The following COL6A5 variants were observed in gnomAD, a reference collection of about 807,000 sequenced individuals.
The protein encoded by COL6A5 is collagen type VI alpha 5 chain, also known as collagen alpha-5(VI) chain.
COL6A5 carries 48 observed loss-of-function variants against 65.6 expected under a neutral mutation model. The observed-to-expected ratio is 0.73, with a 90% CI of 0.58 to 0.93. COL6A5 has a LOEUF of 0.93. Among genes scored for constraint, COL6A5 ranks in the 40% least tolerant of loss-of-function variants. The probability of loss-of-function intolerance (pLI) is 0.00; values close to 1 mark genes in which losing one functional copy is unlikely to be tolerated. For synonymous variants in COL6A5, 291 were observed against 322.8 expected, an observed-to-expected ratio of 0.90 and a Z score of 1.05; for missense variants, 914 against 928.3, an observed-to-expected ratio of 0.98 and a Z score of 0.20.
At chr3:130,447,484 T>A (rs540644387) in intron 4 of COL6A5, among the ~76,000 whole-genome samples, 19 of 152,284 alleles carry the variant, frequency 1.2e-4, no homozygotes, top group African/African-American at 3.8e-4. Flanking sequence ...ATGGAACTCC[T>A]GAGCTTCTTG....
intron 5 of COL6A5, 114 bp from the exon 6 acceptor site, chr3:130,388,466 G>T (rs1326649521): frequency 1.1e-6 from 1 of 870,536 alleles, no homozygotes; most frequent in Non-Finnish European, 1.7e-6. Flanking sequence ...AACAACAGTT[G>T]CCTGAGTTAA....
At chr3:130,365,912 C>T (rs964917707) in intron 1 of COL6A5, among the ~76,000 whole-genome samples, 3 of 152,148 alleles carry the variant, frequency 2.0e-5, no homozygotes, top group Admixed American at 2.0e-4. Context: ...TTGAGAATCA[C>T]CAGCCCACAG....
At chr3:130,418,904 G>A (rs1937441719) in exon 25 of COL6A5, 7 of 1,550,726 alleles carry the variant, frequency 4.5e-6, no homozygotes, top group Non-Finnish European at 6.1e-6. Flanking sequence ...TAGGGCCAGT[G>A]GGGCAAACTG....
chr3:130,470,025 C>T (rs1423756502), intron 6 of COL6A5, among the ~76,000 whole-genome samples: 1 of 152,066 alleles, frequency 6.6e-6, no homozygotes, highest in Non-Finnish European at 1.5e-5. Context: ...CCTCCACCTA[C>T]TCCAAGGACT....
intron 13 of COL6A5, among the ~76,000 whole-genome samples, chr3:130,404,835 A>G (rs764453881): frequency 2.2e-4 from 34 of 152,244 alleles, no homozygotes; most frequent in South Asian, 6.2e-4. Context: ...CTAGTTAATT[A>G]TTCATGCAGC....
chr3:130,403,540 A>C (rs764646157), intron 12 of COL6A5, 69 bp from the exon 13 acceptor site: 4 of 1,347,698 alleles, frequency 3.0e-6, no homozygotes, highest in Non-Finnish European at 4.1e-6. Flanking sequence ...TAGAATGCCT[A>C]ATGATTTCAC....
chr3:130,394,237 A>G (rs1936508883), intron 7 of COL6A5, among the ~76,000 whole-genome samples: 1 of 152,198 alleles, frequency 6.6e-6, no homozygotes, highest in Non-Finnish European at 1.5e-5. Flanking sequence ...ATATTTTTAA[A>G]AAGCATTGCA....
intron 5 of COL6A5, among the ~76,000 whole-genome samples, chr3:130,386,909 C>T (rs966108330): frequency 3.3e-5 from 5 of 152,058 alleles, no homozygotes; most frequent in Admixed American, 6.6e-5. Flanking sequence ...AGTCTCAGAG[C>T]AGATGCAGAT....
chr3:130,387,340 A>G (rs1202361301), intron 5 of COL6A5, among the ~76,000 whole-genome samples: 1 of 152,146 alleles, frequency 6.6e-6, no homozygotes, highest in East Asian at 1.9e-4. Context: ...ATGGAAAGAT[A>G]GATATTCAGG....
exon 9 of COL6A5, chr3:130,397,767 C>T: frequency 6.4e-7 from 1 of 1,551,678 alleles, no homozygotes; most frequent in East Asian, 2.4e-5. Context: ...TTAAGGTGAA[C>T]AGTGACCAAG....
intron 1 of COL6A5, 117 bp from the exon 34 acceptor site, chr3:130,439,405 C>A: frequency 1.0e-5 from 6 of 586,502 alleles, no homozygotes; most frequent in African/African-American, 1.9e-5. Context: ...GAGCAAAGAG[C>A]TATAATGCAA....
At chr3:130,359,041 T>G (rs1935019269) in intron 1 of COL6A5, among the ~76,000 whole-genome samples, 1 of 152,160 alleles carries the variant, frequency 6.6e-6, no homozygotes, top group Non-Finnish European at 1.5e-5. Context: ...TGAGTAGGCA[T>G]TGACTAATCA....
intron 1 of COL6A5, among the ~76,000 whole-genome samples, chr3:130,357,676 T>C (rs1934968285): frequency 6.6e-6 from 1 of 152,198 alleles, no homozygotes; most frequent in African/African-American, 2.4e-5. Context: ...GAATATTTTG[T>C]AAATAAAGTT....
exon 8 of COL6A5, chr3:130,484,048 A>G: frequency 5.6e-6 from 9 of 1,608,494 alleles, no homozygotes; most frequent in Non-Finnish European, 6.8e-6. Context: ...GTGAAGATAC[A>G]AGGTCATCAT....
intron 5 of COL6A5, among the ~76,000 whole-genome samples, chr3:130,459,806 A>G (rs2107604730): frequency 6.6e-6 from 1 of 152,186 alleles, no homozygotes; most frequent in African/African-American, 2.4e-5. Flanking sequence ...CAATTTAGCA[A>G]ATTGAGTTTT....
upstream of COL6A5, among the ~76,000 whole-genome samples, chr3:130,428,963 G>A (rs991381932): frequency 2.6e-4 from 39 of 152,210 alleles, no homozygotes; most frequent in African/African-American, 8.2e-4. Context: ...TCTTAAAGAT[G>A]TATCAATACT....
intron 3 of COL6A5, among the ~76,000 whole-genome samples, chr3:130,441,164 A>G (rs140217061): frequency 1.6e-4 from 24 of 152,258 alleles, no homozygotes; most frequent in African/African-American, 5.8e-4. Context: ...TAAAAGTTTT[A>G]CTTGCTATAC....
chr3:130,386,449 A>G (rs1936190573), intron 5 of COL6A5, among the ~76,000 whole-genome samples: 1 of 152,092 alleles, frequency 6.6e-6, no homozygotes, highest in African/African-American at 2.4e-5. Context: ...ACGTGTTTGA[A>G]TTTTCTCTAA....
exon 5 of COL6A5, chr3:130,384,807 G>C (rs1324410648): frequency 6.5e-7 from 1 of 1,539,004 alleles, no homozygotes; most frequent in Non-Finnish European, 8.8e-7. Flanking sequence ...TTTTCAGGCT[G>C]TGTGGATACA....
Sources: gnomAD v4.1 joint callset for allele counts (sites outside exome capture counted in the v4.1 genomes callset) on GRCh38, gnomAD v4.1.1 for gene constraint, MANE v1.5 for transcripts, NCBI Gene and HGNC (gene_info 2026-07-23, HGNC 2026-07-21) for gene names.